The following TPRX1 variants were observed in gnomAD, a reference collection of about 807,000 sequenced individuals.
The protein encoded by TPRX1 is tetrapeptide repeat homeobox 1, also known as tetra-peptide repeat homeobox protein 1.
Under a neutral mutation model 8.1 loss-of-function variants are expected in TPRX1, and 2 were observed. That is an observed-to-expected ratio of 0.25 (90% CI 0.10 to 0.78). The LOEUF is 0.78. Ranked by LOEUF, TPRX1 falls within the 30% of genes least tolerant of loss-of-function variation. TPRX1 has a pLI of 0.70. For missense variants in TPRX1, 517 were observed against 586.9 expected, an observed-to-expected ratio of 0.88 and a Z score of 1.23; for synonymous variants, 257 against 254.1, an observed-to-expected ratio of 1.01 and a Z score of -0.11.
chr19:47,807,747 A>C (rs887175548), intron 2 of TPRX1, among the ~76,000 whole-genome samples: 39 of 152,250 alleles, frequency 2.6e-4, no homozygotes, highest in African/African-American at 8.9e-4. Context: ...AATTAATGCA[A>C]AACTCAGCAT....
chr19:47,804,671 G>A (rs1005232629), intron 2 of TPRX1, among the ~76,000 whole-genome samples, 120 bp from the exon 1 acceptor site: 5 of 126,200 alleles, frequency 4.0e-5, no homozygotes, highest in African/African-American at 5.9e-5. Flanking sequence ...CTGCAGTCCC[G>A]CCCCCTGGAG....
chr19:47,801,826 AC>A lies in TPRX1; in HGVS notation c.1475del (p.Gly492ValfsTer4). 1 of 1,613,982 alleles carries A rather than the reference AC, an allele frequency of 6.2e-7. No homozygotes were observed. The highest frequency in any genetic ancestry group is 1.1e-5 in the South Asian group (1 of 91,074). ...CTGAGTGATTTTCATTCACAGAGCC[AC>A]CCTCCTCTTGGGGCTGAGACCCTGA... On this transcript the variant is annotated frameshift_variant, in exon 4 of 4. Transcript: ENST00000535759. LOFTEE classifies it low-confidence loss of function (END_TRUNC).
rs529944809 is a variant in TPRX1 at position 47,801,673 on chromosome 19, G to T, written c.*102C>A. On this transcript the variant is annotated 3_prime_UTR_variant, in exon 4 of 4. Transcript: ENST00000535759. The stretch of plus-strand genomic sequence containing the variant: ...GACAGCAAATGTCCACCTGCAGCAG[G>T]GTGGGTAAAGGGTGATGCATTCACT... 2.5e-5 allele frequency: 34 copies of T among 1,363,580 alleles called. No individual in the cohort carries two copies. In the African/African-American group the frequency reaches 4.6e-4, roughly 19 times the overall value. 84.5% of individuals were successfully genotyped at this position (1,363,580 alleles called of 1,614,324 possible). A position where few individuals can be genotyped will look rare whatever the true frequency, so the allele number is the denominator to read the frequency against.
chr19:47,812,278 G>A (rs561003621), intron 2 of TPRX1, among the ~76,000 whole-genome samples: 1 of 152,230 alleles, frequency 6.6e-6, no homozygotes, highest in African/African-American at 2.4e-5. Flanking sequence ...TTGTTCAAGT[G>A]GGGGAAGGCA....
exon 4 of TPRX1, chr19:47,802,321 T>G (rs574647007): frequency 1.1e-5 from 17 of 1,496,706 alleles, no homozygotes; most frequent in African/African-American, 1.6e-5. Flanking sequence ...GGCCTGAGAT[T>G]GGGCCTGGGA....
intron 2 of TPRX1, among the ~76,000 whole-genome samples, chr19:47,808,822 T>C (rs1878829476): frequency 6.6e-6 from 1 of 152,126 alleles, no homozygotes; most frequent in Admixed American, 6.6e-5. Context: ...AGCGCAGATA[T>C]CAGTGTTCAG....
intron 2 of TPRX1, among the ~76,000 whole-genome samples, chr19:47,807,867 G>T (rs918900521): frequency 4.6e-5 from 7 of 151,478 alleles, no homozygotes; most frequent in African/African-American, 1.7e-4. Flanking sequence ...ATTTTTGGAG[G>T]TTTTTTTTTG....
Position 47,815,166 on chromosome 19 carries a change from T to A in TPRX1, c.151+3302A>T, listed in dbSNP as rs1176525366. On this transcript the variant is annotated intron_variant, in intron 2 of 3. Coordinates refer to ENST00000535759, the Ensembl canonical transcript of TPRX1. ...TATGCAAATATATATATATATATTTTTTTTTTTTGAGACAGTCTTGCTATG... is the reference window on the plus strand; with the variant it reads ...TATGCAAATATATATATATATATTTATTTTTTTTGAGACAGTCTTGCTATG... 9.1e-3 allele frequency among the ~76,000 whole-genome samples: 547 copies of A among 60,258 alleles called. 14 individuals carry two copies. The highest frequency in any genetic ancestry group is 0.021 in the African/African-American group (331 of 15,410). The allele number at this position is 60,258 out of a possible 152,430, so 39.5% of individuals were successfully genotyped here.
chr19:47,806,541 C>T (rs1205153741), intron 2 of TPRX1, among the ~76,000 whole-genome samples: 1 of 151,624 alleles, frequency 6.6e-6, no homozygotes, highest in Non-Finnish European at 1.5e-5. Context: ...CAACATCCCC[C>T]AAAAAAACCC....
intron 2 of TPRX1, among the ~76,000 whole-genome samples, chr19:47,811,740 G>A (rs915967654): frequency 1.5e-4 from 22 of 151,590 alleles, no homozygotes; most frequent in African/African-American, 4.4e-4. Context: ...CTCGTGATCC[G>A]CCCACCTCAG....
intron 2 of TPRX1, among the ~76,000 whole-genome samples, chr19:47,809,094 A>C (rs1243570224): frequency 6.6e-6 from 1 of 152,016 alleles, no homozygotes; most frequent in African/African-American, 2.4e-5. Flanking sequence ...TTTCCCTCCC[A>C]AATCCCCATG....
At chr19:47,815,390 T>G (rs1345691378) in intron 2 of TPRX1, among the ~76,000 whole-genome samples, 1 of 147,636 alleles carries the variant, frequency 6.8e-6, no homozygotes, top group Non-Finnish European at 1.5e-5. Context: ...CCTGACCTCG[T>G]GATCCACCCA....
chr19:47,811,396 G>A (rs1301939287), intron 2 of TPRX1, among the ~76,000 whole-genome samples: 2 of 151,920 alleles, frequency 1.3e-5, no homozygotes, highest in African/African-American at 4.8e-5. Context: ...GGTATTGATC[G>A]ATTGATGACA....
intron 2 of TPRX1, among the ~76,000 whole-genome samples, chr19:47,803,949 A>G (rs2123712573): frequency 6.6e-6 from 1 of 152,030 alleles, no homozygotes; most frequent in Non-Finnish European, 1.5e-5. Flanking sequence ...AACCCTCCCC[A>G]GCTGCCCCGT....
chr19:47,816,262 T>C (rs952578478), intron 2 of TPRX1, among the ~76,000 whole-genome samples: 6 of 151,920 alleles, frequency 3.9e-5, no homozygotes, highest in Non-Finnish European at 7.4e-5. Context: ...GAGACGGGGT[T>C]TTGCCATGTG....
intron 2 of TPRX1, among the ~76,000 whole-genome samples, chr19:47,807,589 T>A (rs2123714876): frequency 6.6e-6 from 1 of 152,186 alleles, no homozygotes; most frequent in Non-Finnish European, 1.5e-5. Flanking sequence ...GCCAGGCTAG[T>A]CTCGAACTCC....
chr19:47,813,742 C>A (rs73036932), intron 2 of TPRX1, among the ~76,000 whole-genome samples: 40,004 of 151,636 alleles, frequency 0.26, 5,727 homozygotes, highest in Middle Eastern at 0.36. Context: ...TATATCCTGG[C>A]AGTCTGTCCC....
At chr19:47,805,771 A>G (rs1392957445) in intron 2 of TPRX1, among the ~76,000 whole-genome samples, 2 of 152,188 alleles carry the variant, frequency 1.3e-5, no homozygotes, top group African/African-American at 2.4e-5. Flanking sequence ...CACCATGGCT[A>G]TTTATTTGGT....
intron 2 of TPRX1, among the ~76,000 whole-genome samples, chr19:47,815,135 TATATATATGCAAATATATATA>T (rs1568617382): frequency 6.1e-5 from 7 of 114,098 alleles, no homozygotes; most frequent in African/African-American, 2.4e-4. Flanking sequence ...TATATATATA[TATATATATGCAAATATATATA>T]TATATATTTT....
Sources: allele counts gnomAD v4.1 joint callset (sites outside exome capture counted in the v4.1 genomes callset), GRCh38; gene constraint gnomAD v4.1.1; transcripts MANE v1.5; gene names NCBI Gene and HGNC (gene_info 2026-07-23, HGNC 2026-07-21).